The following ATP5MC1 variants were observed in gnomAD, a reference collection of about 807,000 sequenced individuals.
ATP5MC1 encodes the protein ATP synthase F(0) complex subunit C1, mitochondrial.
ATP5MC1 carries 4 observed loss-of-function variants against 12.1 expected under a neutral mutation model. The observed-to-expected ratio is 0.33, with a 90% CI of 0.16 to 0.76. The LOEUF (loss-of-function observed/expected upper bound fraction) is 0.76. Among genes scored for constraint, ATP5MC1 ranks in the 30% least tolerant of loss-of-function variants. The pLI is 0.61. For synonymous variants in ATP5MC1, 52 were observed against 66.0 expected, an observed-to-expected ratio of 0.79 and a Z score of 1.03; for missense variants, 117 against 172.1, an observed-to-expected ratio of 0.68 and a Z score of 1.79.
intron 3 of ATP5MC1, 93 bp from the exon 4 acceptor site, chr17:48,895,063 T>C (rs745332184): frequency 6.9e-7 from 1 of 1,450,736 alleles, no homozygotes; most frequent in Non-Finnish European, 9.5e-7. Flanking sequence ...GTTTCAGAGC[T>C]CAGGTGGGTG....
chr17:48,895,586 C>T, intron 4 of ATP5MC1, 69 bp from the exon 5 acceptor site: 2 of 1,416,702 alleles, frequency 1.4e-6, no homozygotes, highest in Non-Finnish European at 1.0e-6. Flanking sequence ...TTCACCTCAC[C>T]CTCCTGTGTC....
intron 3 of ATP5MC1, chr17:48,894,932 G>C (rs2040558096): frequency 1.5e-6 from 1 of 669,234 alleles, no homozygotes; most frequent in African/African-American, 1.8e-5. Context: ...ATAAAAGTGA[G>C]GTGTGCCTAA....
intron 4 of ATP5MC1, 108 bp downstream of exon 4, chr17:48,895,442 A>G (rs2040564168): frequency 1.4e-6 from 2 of 1,459,364 alleles, no homozygotes; most frequent in Non-Finnish European, 1.8e-6. Context: ...TTTCATCTAC[A>G]TCATAGTTTC....
intron 2 of ATP5MC1, 48 bp from the exon 3 acceptor site, chr17:48,894,324 T>A (rs1416298913): frequency 6.3e-7 from 1 of 1,586,860 alleles, no homozygotes; most frequent in Non-Finnish European, 8.6e-7. Flanking sequence ...CAATTAGGAT[T>A]TTTTTTCCTT....
intron 2 of ATP5MC1, 52 bp from the exon 3 acceptor site, chr17:48,894,320 G>C: frequency 6.4e-7 from 1 of 1,566,726 alleles, no homozygotes; most frequent in Non-Finnish European, 8.8e-7. Context: ...TCAGCAATTA[G>C]GATTTTTTTT....
intron 3 of ATP5MC1, 71 bp from the exon 4 acceptor site, chr17:48,895,085 G>T: frequency 6.4e-7 from 1 of 1,552,874 alleles, no homozygotes; most frequent in Non-Finnish European, 8.8e-7. Flanking sequence ...GGTGAAGGAG[G>T]TAGAGTCAGC....
At position 48,895,267 on chromosome 17, in the gene ATP5MC1, G is replaced by A. The variant is rs2040562017; in HGVS notation, c.229G>A (p.Val77Ile). 6.2e-7 allele frequency: 1 copy of A among 1,610,694 alleles called. No individual in the cohort carries two copies. Among genetic ancestry groups the A allele is most frequent in the South Asian group, 1.1e-5 (1 of 91,016 alleles). ...GTTTATTGGTGCTGGGGCAGCCACA[G>A]TTGGTGTGGCTGGTTCAGGGGCTGG... The part of the protein sequence containing the change: ...AKFIGAGAAT[V>I]GVAGSGAGIG... Residue 77 changes from valine (V) to isoleucine (I), a missense_variant, in exon 4 of 5, where the codon GTT becomes ATT. Physicochemically the swap from Val to Ile is conservative, Grantham distance 29 (BLOSUM62 3). Transcript: ENST00000393366.
intron 3 of ATP5MC1, 187 bp from the exon 4 acceptor site, chr17:48,894,962 CCTGTCTG>C (rs1322397865): frequency 1.4e-6 from 1 of 724,340 alleles, no homozygotes; most frequent in African/African-American, 1.7e-5. Flanking sequence ...TTTCCCTAGT[CCTGTCTG>C]CTGTCTGACA....
At chr17:48,893,340 G>A in intron 1 of ATP5MC1, 69 bp from the exon 2 acceptor site, 1 of 1,547,828 alleles carries the variant, frequency 6.5e-7, no homozygotes, top group Non-Finnish European at 8.8e-7. Context: ...GACGACCAAA[G>A]GTCGTCATTA....
In ATP5MC1 at chr17:48,895,761, G is replaced by C; in HGVS notation, c.403G>C (p.Ala135Pro). The stretch of plus-strand genomic sequence containing the variant: ...GATGGTCGCCTTCCTCATCCTCTTC[G>C]CCATGTGAGGCTCCATGGGGGGGTC... Reference protein sequence around the residue: ...CLMVAFLILFAM With the variant: ...CLMVAFLILFPM Residue 135 changes from alanine to proline, a missense_variant, in exon 5 of 5, where the codon GCC becomes CCC. Physicochemically the swap from Ala to Pro is conservative, Grantham distance 27 (BLOSUM62 -1). Transcript: ENST00000393366. 1 of 1,530,218 alleles carries C rather than the reference G, an allele frequency of 6.5e-7. No homozygotes were observed. Among genetic ancestry groups the C allele is most frequent in the Non-Finnish European group, 8.7e-7 (1 of 1,146,362 alleles). 94.8% of individuals were successfully genotyped at this position (1,530,218 alleles called of 1,614,324 possible).
chr17:48,895,485 T>C, intron 4 of ATP5MC1, 151 bp downstream of exon 4: 2 of 1,366,240 alleles, frequency 1.5e-6, no homozygotes. Context: ...CCTGGCTCAC[T>C]TAAACTTACC....
Position 48,895,758 on chromosome 17 carries a change from T to C in ATP5MC1, c.400T>C (p.Phe134Leu), listed in dbSNP as rs1412566929. 6.4e-7 allele frequency: 1 copy of C among 1,559,410 alleles called. No individual in the cohort carries two copies. ...FCLMVAFLIL[F>L]AM ...TTTGATGGTCGCCTTCCTCATCCTC[T>C]TCGCCATGTGAGGCTCCATGGGGGG... Residue 134 changes from phenylalanine (F) to leucine (L), a missense_variant, in exon 5 of 5, where the codon TTC (phenylalanine) becomes CTC (leucine). Phe to Leu is a conservative substitution (Grantham distance 22, BLOSUM62 0). Coordinates refer to ENST00000393366, the MANE Select transcript of ATP5MC1 (RefSeq NM_005175.3).
chr17:48,894,513 A>G (rs2040555442), intron 3 of ATP5MC1, 64 bp downstream of exon 3: 1 of 1,526,194 alleles, frequency 6.6e-7, no homozygotes, highest in Admixed American at 1.7e-5. Flanking sequence ...CACACCTGTA[A>G]TCCCAGCTCT....
chr17:48,894,621 T>A, intron 3 of ATP5MC1, 172 bp downstream of exon 3: 1 of 608,952 alleles, frequency 1.6e-6, no homozygotes, highest in Non-Finnish European at 2.8e-6. Flanking sequence ...AATAAAAAAA[T>A]TAGCCATGTG....
intron 4 of ATP5MC1, 79 bp from the exon 5 acceptor site, chr17:48,895,576 T>G: frequency 7.2e-7 from 1 of 1,384,058 alleles, no homozygotes; most frequent in Non-Finnish European, 1.0e-6. Context: ...ACAGTCCCCA[T>G]TCACCTCACC....
Position 48,893,427 on chromosome 17 carries a change from G to A in ATP5MC1, c.10G>A (p.Ala4Thr). ...TCTGCAGACTGAAAAAATGCAGACC[G>A]CCGGGGCATTATTCATTTCTCCAGC... Reference protein sequence around the residue: MQTAGALFISPALI... With the variant: MQTTGALFISPALI... The change falls in exon 2 of 5, where the codon GCC becomes ACC. Residue 4 changes from alanine to threonine, a missense_variant. Ala to Thr is a moderately conservative substitution (Grantham distance 58). Transcript: ENST00000393366. The A allele has an allele frequency of 6.2e-7, 1 of 1,613,932 alleles. No homozygotes were observed. Among genetic ancestry groups the A allele is most frequent in the Non-Finnish European group, 8.5e-7 (1 of 1,180,000 alleles).
At chr17:48,894,340 AT>A in intron 2 of ATP5MC1, 31 bp from the exon 3 acceptor site, 10 of 1,608,054 alleles carry the variant, frequency 6.2e-6, no homozygotes, top group Middle Eastern at 1.7e-4. Flanking sequence ...TCCTTGACTG[AT>A]TTGGTAGGAT....
At position 48,894,359 on chromosome 17, in the gene ATP5MC1, T is replaced by C; in HGVS notation, c.40-13T>C. On this transcript the variant is annotated splice_polypyrimidine_tract_variant and intron_variant, in intron 2 of 4. Coordinates refer to ENST00000393366, the MANE Select transcript of ATP5MC1 (RefSeq NM_005175.3). ...TGACTGATTTGGTAGGATGTGGCTTTCTGATTTTACAGATCCGCTGTTGTA... is the reference window on the plus strand; with the variant it reads ...TGACTGATTTGGTAGGATGTGGCTTCCTGATTTTACAGATCCGCTGTTGTA... 6.2e-7 allele frequency: 1 copy of C among 1,613,726 alleles called. No homozygotes were observed. Among genetic ancestry groups the C allele is most frequent in the South Asian group, 1.1e-5 (1 of 90,982 alleles).
At chr17:48,894,604 CA>C in intron 3 of ATP5MC1, 155 bp downstream of exon 3, 77 of 692,332 alleles carry the variant, frequency 1.1e-4, no homozygotes, top group Middle Eastern at 4.4e-4. Flanking sequence ...CCCATCTCTA[CA>C]AAAAAAATAA....
Sources: gnomAD v4.1 joint callset for allele counts on GRCh38, gnomAD v4.1.1 for gene constraint, MANE v1.5 for transcripts, NCBI Gene and HGNC (gene_info 2026-07-23, HGNC 2026-07-21) for gene names.